The following TPST2 variants were observed in gnomAD, a reference collection of about 807,000 sequenced individuals.
TPST2 encodes protein-tyrosine sulfotransferase 2.
In TPST2, 16 loss-of-function variants were observed where a neutral mutation model predicts 27.8. The observed-to-expected ratio is 0.58, with a 90% CI of 0.39 to 0.88. The LOEUF (loss-of-function observed/expected upper bound fraction) is 0.88, where lower values mean the gene tolerates loss of function less well. Among genes scored for constraint, TPST2 ranks in the 40% least tolerant of loss-of-function variants. TPST2 has a pLI of 0.00. For synonymous variants in TPST2, 229 were observed against 231.7 expected (o/e 0.99, Z 0.10); for missense variants, 464 against 543.1 (o/e 0.85, Z 1.45).
At chr22:26,530,177 G>A (rs1457384523) in intron 5 of TPST2, among the ~76,000 whole-genome samples, 5 of 152,100 alleles carry the variant, frequency 3.3e-5, no homozygotes, top group Non-Finnish European at 7.4e-5. Flanking sequence ...GGGCTCCAGC[G>A]ATCCTCCCAC....
intron 1 of TPST2, among the ~76,000 whole-genome samples, chr22:26,589,726 C>T: frequency 6.6e-6 from 1 of 152,200 alleles, no homozygotes; most frequent in Non-Finnish European, 1.5e-5. Flanking sequence ...GCCCTCCCCC[C>T]CAGTCCCCCC....
chr22:26,546,772 T>C lies in TPST2; in HGVS notation c.-160-2097A>G, dbSNP rs544371124. ...TGGCTACTGTACTGGACAGTGCACA[T>C]TTAGGATGGGGTAGGCCAATGATGG... On this transcript the variant is annotated intron_variant, in intron 1 of 6. Coordinates refer to ENST00000338754, the MANE Select transcript of TPST2 (RefSeq NM_003595.5). Among the ~76,000 whole-genome samples the C allele has an allele frequency of 5.3e-5, 8 of 152,342 alleles. No individual in the cohort carries two copies. The South Asian group carries it at 1.7e-3, about 32-fold the overall frequency.
chr22:26,541,506 C>CG lies in TPST2; in HGVS notation c.124dup (p.Arg42ProfsTer7). 2 of 1,611,614 alleles carry CG rather than the reference C, an allele frequency of 1.2e-6. No individual in the cohort carries two copies. The highest frequency in any genetic ancestry group is 1.7e-6 in the Non-Finnish European group (2 of 1,178,960). ...CTCCTGCTCAGGCCGCATGGCCCCCCGGGGGCTCCGCAGGCCCGCCAGCAC... is the reference window on the plus strand; with the variant it reads ...CTCCTGCTCAGGCCGCATGGCCCCCCGGGGGGCTCCGCAGGCCCGCCAGCAC... On this transcript the variant is annotated frameshift_variant, in exon 3 of 7. Transcript: ENST00000338754. LOFTEE classifies it high-confidence loss of function. The surrounding 1 kb of genome is among the most constrained non-coding windows in gnomAD (Gnocchi z 5.9).
chr22:26,583,413 G>A (rs1317426243), intron 1 of TPST2, among the ~76,000 whole-genome samples: 2 of 132,076 alleles, frequency 1.5e-5, no homozygotes, highest in African/African-American at 2.8e-5. Context: ...CTCCAGCCTG[G>A]GCGACAGAAG....
chr22:26,547,796 C>T (rs1926206219), intron 1 of TPST2, among the ~76,000 whole-genome samples: 1 of 152,168 alleles, frequency 6.6e-6, no homozygotes, highest in African/African-American at 2.4e-5. Context: ...GCTTGGATGA[C>T]AGAATGAGAC....
chr22:26,588,302 A>G (rs1416679098), intron 1 of TPST2, among the ~76,000 whole-genome samples: 1 of 152,246 alleles, frequency 6.6e-6, no homozygotes, highest in Admixed American at 6.5e-5. Context: ...GCCACATAGT[A>G]TATGACTGCA....
chr22:26,540,525 G>C (rs1390884467), intron 3 of TPST2, among the ~76,000 whole-genome samples: 1 of 152,190 alleles, frequency 6.6e-6, no homozygotes, highest in African/African-American at 2.4e-5. Flanking sequence ...CTTGAACAGG[G>C]AGGTGGCGGC....
chr22:26,541,549 C>A lies in TPST2; in HGVS notation c.82G>T (p.Val28Leu), dbSNP rs1011744128. The A allele has an allele frequency of 1.2e-6, 2 of 1,611,082 alleles. No individual in the cohort carries two copies. Among genetic ancestry groups the A allele is most frequent in the East Asian group, 2.2e-5 (1 of 44,840 alleles). Residue 28 changes from valine (V) to leucine (L), a missense_variant, in exon 3 of 7, where the codon GTG becomes TTG. Transcript: ENST00000338754. The surrounding 1 kb of genome is among the most constrained non-coding windows in gnomAD (Gnocchi z 5.9). ...LVLAVQLGQQ[V>L]LECRAVLAGL... is the part of the protein sequence containing the mutation. ...GCCAGCACCGCCCGGCACTCTAGCACCTGCTGTCCCAGCTGAACCGCCAGC... is the reference window on the plus strand; with the variant it reads ...GCCAGCACCGCCCGGCACTCTAGCAACTGCTGTCCCAGCTGAACCGCCAGC...
At chr22:26,556,764 C>T (rs369560805) in intron 1 of TPST2, among the ~76,000 whole-genome samples, 18 of 152,304 alleles carry the variant, frequency 1.2e-4, no homozygotes, top group Middle Eastern at 3.4e-3. Flanking sequence ...CTGTTAGGGC[C>T]AGGGAGCCAT....
intron 4 of TPST2, 162 bp downstream of exon 4, chr22:26,536,126 A>T (rs1214894746): frequency 3.9e-6 from 4 of 1,032,936 alleles, no homozygotes; most frequent in African/African-American, 1.6e-5. Context: ...GCAAAATGGA[A>T]ATACAAGCAA....
chr22:26,590,100 C>G lies in TPST2; in HGVS notation c.-208G>C, dbSNP rs960392527. The stretch of plus-strand genomic sequence containing the variant: ...GCCCCACGCACCCAGCGACTCCCGG[C>G]TCTCCAGCCGCCCCAGCCGGGGAAG... On this transcript the variant is annotated 5_prime_UTR_variant, in exon 1 of 7. Transcript: ENST00000338754. 2.0e-5 allele frequency: 3 copies of G among 151,976 alleles called. No homozygotes were observed. The highest frequency in any genetic ancestry group is 6.6e-5 in the Admixed American group (1 of 15,252). 9.4% of individuals were successfully genotyped at this position (151,976 alleles called of 1,614,324 possible). A position where few individuals can be genotyped will look rare whatever the true frequency, so the allele number is the denominator to read the frequency against.
chr22:26,577,265 TAAA>T (rs35985150), intron 1 of TPST2, among the ~76,000 whole-genome samples: 3 of 127,562 alleles, frequency 2.4e-5, no homozygotes, highest in Non-Finnish European at 3.2e-5. Flanking sequence ...ACCCTGTCTT[TAAA>T]AAAAAAAAAA....
Position 26,530,631 on chromosome 22 carries a change from C to CAAAAAAAAAAAAAAAAAAAAAA in TPST2, c.1092+2063_1092+2064insTTTTTTTTTTTTTTTTTTTTTT, listed in dbSNP as rs34776057. ...TGGGTGACACAGTGAAACCCCATCT[C>CAAAAAAAAAAAAAAAAAAAAAA]AAAAAAAAAAAGGAATCAGCAGGAG... On this transcript the variant is annotated intron_variant, in intron 5 of 6. Transcript: ENST00000338754. Among the ~76,000 whole-genome samples, 78 of 118,192 alleles carry CAAAAAAAAAAAAAAAAAAAAAA rather than the reference C, an allele frequency of 6.6e-4. 3 individuals carry two copies. The highest frequency in any genetic ancestry group is 2.4e-3 in the African/African-American group (73 of 30,758). 77.5% of individuals were successfully genotyped at this position (118,192 alleles called of 152,430 possible). A position where few individuals can be genotyped will look rare whatever the true frequency, so the allele number is the denominator to read the frequency against.
At chr22:26,542,948 C>A (rs1448377760) in intron 2 of TPST2, among the ~76,000 whole-genome samples, 1 of 152,194 alleles carries the variant, frequency 6.6e-6, no homozygotes, top group Non-Finnish European at 1.5e-5. Context: ...TAGGCTATAG[C>A]AAGTGGAAAA....
intron 1 of TPST2, among the ~76,000 whole-genome samples, chr22:26,582,463 A>G (rs1928154094): frequency 1.3e-5 from 2 of 152,152 alleles, no homozygotes; most frequent in South Asian, 4.2e-4. Flanking sequence ...AAAAACACAG[A>G]ATCTGCACTT....
At chr22:26,565,966 T>C (rs541017156) in intron 1 of TPST2, among the ~76,000 whole-genome samples, 13 of 152,342 alleles carry the variant, frequency 8.5e-5, no homozygotes, top group Middle Eastern at 3.4e-3. Context: ...CAAACTGTTG[T>C]ACACACACTT....
intron 5 of TPST2, among the ~76,000 whole-genome samples, chr22:26,532,303 T>C (rs1220118323): frequency 6.6e-6 from 1 of 152,208 alleles, no homozygotes; most frequent in African/African-American, 2.4e-5. Context: ...TTTTTTGAGA[T>C]GGAGTCTCGC....
At chr22:26,560,119 G>A (rs1927010117) in intron 1 of TPST2, among the ~76,000 whole-genome samples, 1 of 152,186 alleles carries the variant, frequency 6.6e-6, no homozygotes, top group South Asian at 2.1e-4. Flanking sequence ...TCAGAAAGGA[G>A]AGTGTGGCCA....
intron 1 of TPST2, among the ~76,000 whole-genome samples, chr22:26,551,821 C>T (rs1207854292): frequency 6.6e-6 from 1 of 151,820 alleles, no homozygotes; most frequent in East Asian, 1.9e-4. Flanking sequence ...TTCCATCAAG[C>T]CAGGCAGAGC....
Sources: allele counts gnomAD v4.1 joint callset (sites outside exome capture counted in the v4.1 genomes callset), GRCh38; gene constraint gnomAD v4.1.1; non-coding constraint Gnocchi (gnomAD v3.1); transcripts MANE v1.5; gene names NCBI Gene and HGNC (gene_info 2026-07-23, HGNC 2026-07-21).